Variants in SSH2 observed in about 807,000 individuals in gnomAD.
SSH2 encodes slingshot protein phosphatase 2.
SSH2 carries 37 observed loss-of-function variants against 135.2 expected under a neutral mutation model. That is an observed-to-expected ratio of 0.27 (90% confidence interval 0.21 to 0.36). SSH2 has a LOEUF of 0.36. SSH2 is among the 10% of genes least tolerant of loss of function. The pLI is 1.00. For missense variants in SSH2, 1,408 were observed against 1,765.3 expected (o/e 0.80, Z 3.63); for synonymous variants, 628 against 646.2 (o/e 0.97, Z 0.43).
At chr17:29,703,142 C>T in intron 3 of SSH2, 80 bp from the exon 4 acceptor site, 2 of 957,038 alleles carry the variant, frequency 2.1e-6, no homozygotes, top group Non-Finnish European at 3.4e-6. Context: ...CTTTTGGATT[C>T]TCTCTTCTCT....
Position 29,848,944 on chromosome 17 carries a change from A to G in SSH2, c.64-15T>C. On this transcript the variant is annotated splice_polypyrimidine_tract_variant and intron_variant, in intron 1 of 15. Transcript: ENST00000540801. ...AAATGAGAGCTCTGTAATACAAACA[A>G]GATCATTTCAGAGATCCAAACGAAT... The G allele has an allele frequency of 6.6e-7, 1 of 1,512,268 alleles. No homozygotes were observed. The highest frequency in any genetic ancestry group is 8.9e-7 in the Non-Finnish European group (1 of 1,126,378). The allele number at this position is 1,512,268 out of a possible 1,614,324, so 93.7% of individuals were successfully genotyped here. A position where few individuals can be genotyped will look rare whatever the true frequency, so the allele number is the denominator to read the frequency against.
intron 1 of SSH2, among the ~76,000 whole-genome samples, chr17:29,864,450 TATACTC>T (rs1251240398): frequency 1.6e-4 from 24 of 152,072 alleles, no homozygotes; most frequent in Non-Finnish European, 2.5e-4. Context: ...CTCTTATAGA[TATACTC>T]ATACTTTTTC....
intron 3 of SSH2, among the ~76,000 whole-genome samples, chr17:29,706,424 G>T (rs1721738098): frequency 6.6e-6 from 1 of 152,102 alleles, no homozygotes; most frequent in Admixed American, 6.6e-5. Context: ...ATTTTATTTT[G>T]TTTTCATCTT....
At chr17:29,868,648 G>T (rs2065893019) in intron 1 of SSH2, among the ~76,000 whole-genome samples, 1 of 151,118 alleles carries the variant, frequency 6.6e-6, no homozygotes, top group South Asian at 2.1e-4. Flanking sequence ...TGAGGCAGGA[G>T]AATTGCTTGA....
At chr17:29,795,983 T>C (rs1412378704) in intron 2 of SSH2, among the ~76,000 whole-genome samples, 1 of 152,198 alleles carries the variant, frequency 6.6e-6, no homozygotes, top group Non-Finnish European at 1.5e-5. Context: ...ACTCAGGTGA[T>C]CCACCCCCAT....
chr17:29,887,070 A>C (rs953821207), intron 1 of SSH2, among the ~76,000 whole-genome samples: 1 of 152,176 alleles, frequency 6.6e-6, no homozygotes, highest in African/African-American at 2.4e-5. Context: ...AGCCAGATGA[A>C]TGGCTCTCCT....
At chr17:29,861,642 C>A (rs1161235458) in intron 1 of SSH2, among the ~76,000 whole-genome samples, 2 of 152,028 alleles carry the variant, frequency 1.3e-5, no homozygotes, top group Non-Finnish European at 2.9e-5. Context: ...CGGCTCACTG[C>A]AACCTTCCAC....
intron 4 of SSH2, among the ~76,000 whole-genome samples, chr17:29,699,449 GC>G (rs1440079584): frequency 6.6e-6 from 1 of 152,188 alleles, no homozygotes; most frequent in African/African-American, 2.4e-5. Flanking sequence ...TGACAGCCTG[GC>G]TTTTACAAGC....
chr17:29,767,052 T>C (rs1006378112), intron 3 of SSH2, among the ~76,000 whole-genome samples: 1 of 152,238 alleles, frequency 6.6e-6, no homozygotes, highest in African/African-American at 2.4e-5. Flanking sequence ...TTTTAAACAC[T>C]GGATTAAGCA....
intron 1 of SSH2, among the ~76,000 whole-genome samples, chr17:29,854,809 TG>T (rs2065632840): frequency 6.6e-6 from 1 of 151,996 alleles, no homozygotes. Context: ...TAGCTGGGTG[TG>T]GTGGCAGATG....
rs562036143 is a variant in SSH2, at chr17:29,850,466, T to C, written c.64-1537A>G. On this transcript the variant is annotated intron_variant, in intron 1 of 15. Transcript: ENST00000540801. ...AGGTAGGGCTGTGTTTCATCTAAAG[T>C]ATACCCTCAGAGATAAGAGTTTTAG... Among the ~76,000 whole-genome samples, 11 of 152,346 alleles carry C rather than the reference T, an allele frequency of 7.2e-5. No individual in the cohort carries two copies. In the South Asian group the frequency reaches 2.3e-3, roughly 32 times the overall value.
intron 3 of SSH2, among the ~76,000 whole-genome samples, chr17:29,743,447 G>C (rs181268103): frequency 3.3e-5 from 5 of 151,500 alleles, no homozygotes; most frequent in Admixed American, 3.3e-4. Flanking sequence ...TTTTCATTAT[G>C]ACACTATCAT....
intron 2 of SSH2, among the ~76,000 whole-genome samples, chr17:29,812,575 C>T (rs530040025): frequency 2.7e-4 from 41 of 152,290 alleles, no homozygotes; most frequent in African/African-American, 9.6e-4. Flanking sequence ...TCAGCCACTA[C>T]GCCCAGCCTA....
intron 1 of SSH2, among the ~76,000 whole-genome samples, chr17:29,895,768 C>T (rs28552586): frequency 1.9e-5 from 2 of 105,526 alleles, no homozygotes; most frequent in African/African-American, 7.7e-5. Flanking sequence ...ATACACATTT[C>T]ATGTATAAAA....
intron 1 of SSH2, among the ~76,000 whole-genome samples, chr17:29,897,996 A>G (rs559459377): frequency 6.6e-6 from 1 of 152,326 alleles, no homozygotes; most frequent in East Asian, 1.9e-4. Context: ...GCTCAACTAC[A>G]TGGAAACTGA....
rs549282697 is a variant in SSH2 at position 29,763,280 on chromosome 17, C to T, written c.188+30614G>A. Reference sequence around the variant, plus strand: ...CACCAGGTGGCAAGTGAAGAGTTAACGGAAGGTCTGGATCTTGGAGTTCAT... The same window carrying T: ...CACCAGGTGGCAAGTGAAGAGTTAATGGAAGGTCTGGATCTTGGAGTTCAT... On this transcript the variant is annotated intron_variant, in intron 3 of 15. Transcript: ENST00000540801. Among the ~76,000 whole-genome samples the T allele has an allele frequency of 4.6e-5, 7 of 152,196 alleles. No individual in the cohort carries two copies. In the South Asian group the frequency reaches 6.2e-4, roughly 14 times the overall value.
Position 29,813,926 on chromosome 17 carries a change from T to C in SSH2, c.145-19989A>G, listed in dbSNP as rs544346372. Among the ~76,000 whole-genome samples the C allele has an allele frequency of 3.4e-5, 5 of 149,192 alleles. No homozygotes were observed. In the South Asian group the frequency reaches 1.1e-3, roughly 32 times the overall value. Reference sequence around the variant, plus strand: ...GAGGGCGGATCACCAGGTCAGGAGATCAAGACCATCCTGGCTAACATGGTG... The same window carrying C: ...GAGGGCGGATCACCAGGTCAGGAGACCAAGACCATCCTGGCTAACATGGTG... On this transcript the variant is annotated intron_variant, in intron 2 of 15. Transcript: ENST00000540801.
chr17:29,761,880 TA>T (rs1415978381), intron 3 of SSH2, among the ~76,000 whole-genome samples: 2,129 of 138,522 alleles, frequency 0.015, 34 homozygotes, highest in Non-Finnish European at 0.021. Flanking sequence ...TGTATATATA[TA>T]TATATATTTT....
At chr17:29,777,815 A>AC (rs2041741781) in intron 3 of SSH2, 1 of 148,198 alleles carries the variant, frequency 6.7e-6, no homozygotes, top group Non-Finnish European at 1.5e-5. Context: ...AAAAAAAAAA[A>AC]CCTGATCTGG....
Sources: gnomAD v4.1 joint callset for allele counts (sites outside exome capture counted in the v4.1 genomes callset) on GRCh38, gnomAD v4.1.1 for gene constraint, MANE v1.5 for transcripts, NCBI Gene and HGNC (gene_info 2026-07-23, HGNC 2026-07-21) for gene names.